The following WWOX variants were observed in gnomAD, a reference collection of about 807,000 sequenced individuals.
WWOX encodes the protein WW domain-containing oxidoreductase.
Under a neutral mutation model 46.2 loss-of-function variants are expected in WWOX, and 69 were observed. That is an observed-to-expected ratio of 1.49 (90% confidence interval 1.23 to 1.82). The LOEUF (loss-of-function observed/expected upper bound fraction) is 1.82, where lower values mean the gene tolerates loss of function less well. Among genes scored for constraint, WWOX ranks in the 40% most tolerant of loss-of-function variants. The probability of loss-of-function intolerance (pLI) is 0.00; values close to 1 mark genes in which losing one functional copy is unlikely to be tolerated. For synonymous variants in WWOX, 359 were observed against 202.6 expected (o/e 1.77, Z -6.56); for missense variants, 919 against 542.6 (o/e 1.69, Z -6.89).
chr16:78,926,975 C>G (rs760319018), intron 8 of WWOX, among the ~76,000 whole-genome samples: 5 of 151,970 alleles, frequency 3.3e-5, no homozygotes, highest in African/African-American at 7.3e-5. Flanking sequence ...TTTGTATTTT[C>G]TGTAGAGATG....
intron 6 of WWOX, among the ~76,000 whole-genome samples, chr16:78,413,229 T>C (rs1207092563): frequency 1.3e-5 from 2 of 151,986 alleles, no homozygotes; most frequent in East Asian, 3.9e-4. Context: ...TAAGGAGAAA[T>C]GTGGTGGATA....
At chr16:78,575,054 T>A (rs868765620) in intron 8 of WWOX, among the ~76,000 whole-genome samples, 162 of 15,438 alleles carry the variant, frequency 0.01, 2 homozygotes, top group East Asian at 0.045. Context: ...TATATATATA[T>A]ATATATATAT....
chr16:78,854,812 C>G (rs967048630), intron 8 of WWOX, among the ~76,000 whole-genome samples: 6 of 152,082 alleles, frequency 3.9e-5, no homozygotes, highest in African/African-American at 1.2e-4. Context: ...GAACCCCCGA[C>G]CTCAGGTGAT....
intron 8 of WWOX, among the ~76,000 whole-genome samples, chr16:78,584,699 G>A (rs1446407883): frequency 6.6e-6 from 1 of 152,334 alleles, no homozygotes; most frequent in East Asian, 1.9e-4. Context: ...TGTGAGAGAA[G>A]TCAGAATAGC....
chr16:78,658,010 C>T (rs555232852), intron 8 of WWOX, among the ~76,000 whole-genome samples: 1 of 152,030 alleles, frequency 6.6e-6, no homozygotes, highest in Non-Finnish European at 1.5e-5. Context: ...AGTTTCTCAA[C>T]CTTGGCACTA....
chr16:78,241,964 T>C (rs1187556972), intron 5 of WWOX, among the ~76,000 whole-genome samples: 1 of 152,166 alleles, frequency 6.6e-6, no homozygotes, highest in African/African-American at 2.4e-5. Flanking sequence ...AGCAAATGTT[T>C]TGGGTGAATT....
intron 6 of WWOX, among the ~76,000 whole-genome samples, chr16:78,412,796 G>A (rs1286727022): frequency 1.3e-5 from 2 of 152,178 alleles, no homozygotes; most frequent in East Asian, 1.9e-4. Context: ...ATGATGAGAA[G>A]TAGATTTGGG....
intron 8 of WWOX, among the ~76,000 whole-genome samples, chr16:78,883,334 G>C (rs2044383481): frequency 6.6e-6 from 1 of 152,144 alleles, no homozygotes; most frequent in African/African-American, 2.4e-5. Flanking sequence ...TGACATCCTG[G>C]ATTAGACCCT....
intron 4 of WWOX, among the ~76,000 whole-genome samples, chr16:78,161,739 T>A (rs2034801135): frequency 6.6e-6 from 1 of 152,196 alleles, no homozygotes; most frequent in Non-Finnish European, 1.5e-5. Context: ...CTAGTCATCT[T>A]CTCTCCTTTC....
rs1184252770 is a variant in WWOX at position 78,403,827 on chromosome 16, T to C, written c.605+16879T>C. ...GCTCTAGCCCTTCACTCAAGTTTCC[T>C]GGATACTTTTGACTTCTTAGCCATG... On this transcript the variant is annotated intron_variant, in intron 6 of 8. Transcript: ENST00000566780. 2.0e-5 allele frequency among the ~76,000 whole-genome samples: 3 copies of C among 152,248 alleles called. No homozygotes were observed. The East Asian group carries it at 5.8e-4, about 29-fold the overall frequency.
intron 6 of WWOX, among the ~76,000 whole-genome samples, chr16:78,388,036 C>T (rs1213140694): frequency 6.6e-6 from 1 of 152,102 alleles, no homozygotes; most frequent in African/African-American, 2.4e-5. Flanking sequence ...CACCACACTG[C>T]TGTCTAGTGT....
intron 5 of WWOX, among the ~76,000 whole-genome samples, chr16:78,362,793 A>G (rs1158351784): frequency 6.6e-6 from 1 of 152,232 alleles, no homozygotes; most frequent in Non-Finnish European, 1.5e-5. Flanking sequence ...TACCACAAGC[A>G]TTATCTTCTT....
intron 8 of WWOX, among the ~76,000 whole-genome samples, chr16:78,481,686 G>A (rs1306166855): frequency 6.7e-6 from 1 of 149,664 alleles, no homozygotes; most frequent in East Asian, 2.0e-4. Flanking sequence ...TGCCAGAACT[G>A]TTTCAAGAAT....
chr16:78,436,903 C>T (rs1202217822), intron 8 of WWOX, among the ~76,000 whole-genome samples: 1 of 152,204 alleles, frequency 6.6e-6, no homozygotes, highest in East Asian at 1.9e-4. Flanking sequence ...TGAATGCAGA[C>T]ATATTTTTGG....
intron 8 of WWOX, among the ~76,000 whole-genome samples, chr16:79,035,954 C>T (rs184720444): frequency 6.6e-6 from 1 of 152,208 alleles, no homozygotes; most frequent in Non-Finnish European, 1.5e-5. Flanking sequence ...GAAGGCCATG[C>T]CTACATTGCC....
chr16:78,120,433 A>G lies in WWOX; in HGVS notation c.409+5279A>G, dbSNP rs557949521. ...AAAATACAAAAAATTAGCCAGGCGCAGTGGCGGGCGCCTGTAGTCCCAGCT... is the reference window on the plus strand; with the variant it reads ...AAAATACAAAAAATTAGCCAGGCGCGGTGGCGGGCGCCTGTAGTCCCAGCT... On this transcript the variant is annotated intron_variant, in intron 4 of 8. Coordinates refer to ENST00000566780, the MANE Select transcript of WWOX (RefSeq NM_016373.4). Among the ~76,000 whole-genome samples the G allele has an allele frequency of 1.3e-3, 203 of 152,068 alleles. 1 individual carries two copies. Among genetic ancestry groups the G allele is most frequent in the African/African-American group, 4.7e-3 (195 of 41,446 alleles).
chr16:78,630,588 C>A (rs1415850245), intron 8 of WWOX, among the ~76,000 whole-genome samples: 8 of 152,154 alleles, frequency 5.3e-5, no homozygotes, highest in Admixed American at 4.6e-4. Flanking sequence ...TCCTGTGTGA[C>A]CCCACTGGAA....
intron 8 of WWOX, among the ~76,000 whole-genome samples, chr16:78,717,887 G>T (rs928663359): frequency 6.6e-6 from 1 of 152,106 alleles, no homozygotes; most frequent in Non-Finnish European, 1.5e-5. Context: ...CTGTGTACTG[G>T]TTTGAAACCT....
rs1023419687 is a variant in WWOX, at chr16:78,425,030, A to G, written c.766A>G (p.Ile256Val). 3.7e-6 allele frequency: 6 copies of G among 1,613,792 alleles called. No individual in the cohort carries two copies. Among genetic ancestry groups the G allele is most frequent in the Non-Finnish European group, 5.1e-6 (6 of 1,180,022 alleles). The change falls in exon 7 of 9, where the codon ATT becomes GTT. Residue 256 changes from isoleucine (I) to valine (V), a missense_variant. Physicochemically the swap from Ile to Val is conservative, Grantham distance 29. Coordinates refer to ENST00000566780, the MANE Select transcript of WWOX (RefSeq NM_016373.4). Reference protein sequence around the residue: ...VLCRSAPARVIVVSSESHRFT... With the variant: ...VLCRSAPARVVVVSSESHRFT... ...GTGCCGCTCAGCTCCTGCCCGTGTC[A>G]TTGTGGTCTCCTCAGAGTCCCATCG... is the stretch of plus-strand genomic sequence containing the variant.
Sources: gnomAD v4.1 joint callset for allele counts (sites outside exome capture counted in the v4.1 genomes callset) on GRCh38, gnomAD v4.1.1 for gene constraint, MANE v1.5 for transcripts, NCBI Gene and HGNC (gene_info 2026-07-23, HGNC 2026-07-21) for gene names.